The following AAK1 variants were observed in gnomAD, a reference collection of about 807,000 sequenced individuals.
AAK1 encodes AP2 associated kinase 1, also known as AP2-associated protein kinase 1.
Under a neutral mutation model 116.0 loss-of-function variants are expected in AAK1, and 37 were observed. The ratio of observed to expected loss-of-function variants is 0.32; its 90% CI spans 0.25 to 0.42. The LOEUF (loss-of-function observed/expected upper bound fraction) is 0.42, where lower values mean the gene tolerates loss of function less well. Ranked by LOEUF, AAK1 falls within the 10% of genes least tolerant of loss-of-function variation. The pLI is 1.00. For synonymous variants in AAK1, 458 were observed against 439.9 expected (o/e 1.04, Z -0.51); for missense variants, 919 against 1,170.6 (o/e 0.79, Z 3.14).
At chr2:69,585,414 A>G (rs1471194004) in intron 2 of AAK1, among the ~76,000 whole-genome samples, 1 of 152,048 alleles carries the variant, frequency 6.6e-6, no homozygotes, top group Non-Finnish European at 1.5e-5. Context: ...CCAACTCCCC[A>G]AGGACCTCTG....
chr2:69,593,179 A>T (rs895284700), intron 2 of AAK1, among the ~76,000 whole-genome samples: 1 of 152,162 alleles, frequency 6.6e-6, no homozygotes, highest in Non-Finnish European at 1.5e-5. Context: ...TTATTTTGGG[A>T]CTCTGATGAA....
intron 5 of AAK1, among the ~76,000 whole-genome samples, chr2:69,541,223 ACTT>A (rs1327187739): frequency 3.5e-5 from 5 of 143,054 alleles, no homozygotes; most frequent in Admixed American, 2.1e-4. Flanking sequence ...TGAATTTTAT[ACTT>A]CTTTTTTTTT....
Position 69,618,989 on chromosome 2 carries a change from G to T in AAK1, c.163+23889C>A, listed in dbSNP as rs1011569330. The stretch of plus-strand genomic sequence containing the variant: ...ACCAATCAACCCCCTGCTTAGACAG[G>T]CTTGTCTCCCCATTCTGGCCCCATG... On this transcript the variant is annotated intron_variant, in intron 2 of 21. Coordinates refer to ENST00000409085, the MANE Select transcript of AAK1 (RefSeq NM_014911.5). Among the ~76,000 whole-genome samples the T allele has an allele frequency of 2.6e-5, 4 of 151,954 alleles. 1 individual carries two copies. The highest frequency in any genetic ancestry group is 9.7e-5 in the African/African-American group (4 of 41,368).
At chr2:69,513,833 A>G (rs1025489333) in intron 13 of AAK1, among the ~76,000 whole-genome samples, 14 of 152,200 alleles carry the variant, frequency 9.2e-5, no homozygotes, top group Non-Finnish European at 8.8e-5. Context: ...TGTGTGTTGA[A>G]ACTGTAGAGG....
At position 69,469,276 on chromosome 2, in the gene AAK1, T is replaced by G. The variant is rs576621796; in HGVS notation, c.*6593A>C. The G allele has an allele frequency of 7.1e-6, 7 of 985,344 alleles. No individual in the cohort carries two copies. The South Asian group carries it at 3.3e-4, about 46-fold the overall frequency. 61.0% of individuals were successfully genotyped at this position (985,344 alleles called of 1,614,324 possible). On this transcript the variant is annotated 3_prime_UTR_variant, in exon 22 of 22. Coordinates refer to ENST00000409085, the MANE Select transcript of AAK1 (RefSeq NM_014911.5). ...ATGGGGGAAGCCCAGACCTCCACATTCCCTTAAGGAATTCTGGTGGTGGCA... is the reference window on the plus strand; with the variant it reads ...ATGGGGGAAGCCCAGACCTCCACATGCCCTTAAGGAATTCTGGTGGTGGCA...
chr2:69,553,437 G>GTTTTTTTTTTTTTTTTT (rs70954350), intron 3 of AAK1, among the ~76,000 whole-genome samples: 1 of 79,600 alleles, frequency 1.3e-5, no homozygotes, highest in African/African-American at 5.3e-5. Flanking sequence ...ATTGAAAGTT[G>GTTTTTTTTTTTTTTTTT]TTTTTTTTTT....
intron 2 of AAK1, among the ~76,000 whole-genome samples, chr2:69,635,301 C>T (rs1675397787): frequency 6.6e-6 from 1 of 152,236 alleles, no homozygotes; most frequent in Non-Finnish European, 1.5e-5. Context: ...AAACAAGTGT[C>T]GGTGAGAATG....
chr2:69,469,229 G>C lies in AAK1; in HGVS notation c.*6640C>G, dbSNP rs1485465624. 2.0e-6 allele frequency: 2 copies of C among 985,270 alleles called. No individual in the cohort carries two copies. The highest frequency in any genetic ancestry group is 2.4e-6 in the Non-Finnish European group (2 of 829,966). The allele number at this position is 985,270 out of a possible 1,614,324, so 61.0% of individuals were successfully genotyped here. A position where few individuals can be genotyped will look rare whatever the true frequency, so the allele number is the denominator to read the frequency against. On this transcript the variant is annotated 3_prime_UTR_variant, in exon 22 of 22. Coordinates refer to ENST00000409085, the MANE Select transcript of AAK1 (RefSeq NM_014911.5). The stretch of plus-strand genomic sequence containing the variant: ...AACTCTCCAGGCCTGGCACTCTGAA[G>C]GGCAAAGAAATGCCAGAGAATATGG...
intron 11 of AAK1, among the ~76,000 whole-genome samples, chr2:69,520,503 C>T (rs200096287): frequency 1.3e-4 from 19 of 151,878 alleles, no homozygotes; most frequent in East Asian, 3.9e-4. Flanking sequence ...GGACTACAGG[C>T]GCACACCACA....
chr2:69,508,934 T>C (rs951629204), intron 14 of AAK1, among the ~76,000 whole-genome samples: 2 of 152,104 alleles, frequency 1.3e-5, no homozygotes, highest in Admixed American at 1.3e-4. Flanking sequence ...GAAAACACAC[T>C]GTAGAGCATG....
chr2:69,627,997 C>T (rs1573022860), intron 2 of AAK1, among the ~76,000 whole-genome samples: 1 of 152,248 alleles, frequency 6.6e-6, no homozygotes, highest in East Asian at 1.9e-4. Context: ...CTGTCATCTG[C>T]AACATCTAAT....
At chr2:69,529,517 T>C (rs1015822466) in intron 8 of AAK1, among the ~76,000 whole-genome samples, 6 of 152,228 alleles carry the variant, frequency 3.9e-5, no homozygotes, top group South Asian at 2.1e-4. Flanking sequence ...TAAGAAAGCA[T>C]TGAGTTTAGA....
In AAK1 at chr2:69,467,237, C is replaced by T. The variant is rs1674517531; in HGVS notation, c.*8632G>A. The T allele has an allele frequency of 6.1e-6, 6 of 985,422 alleles. No homozygotes were observed. The South Asian group carries it at 2.3e-4, about 39-fold the overall frequency. 61.0% of individuals were successfully genotyped at this position (985,422 alleles called of 1,614,324 possible). On this transcript the variant is annotated 3_prime_UTR_variant, in exon 22 of 22. Coordinates refer to ENST00000409085, the MANE Select transcript of AAK1 (RefSeq NM_014911.5). ...AGTCTTCTAAGTTCATAAAGATCTC[C>T]TCTGCTTAAATGAATCTGCCATAAA...
chr2:69,553,163 A>G (rs901272664), intron 3 of AAK1, among the ~76,000 whole-genome samples: 2 of 152,172 alleles, frequency 1.3e-5, no homozygotes, highest in African/African-American at 4.8e-5. Context: ...AACACCTAAC[A>G]TAATAAATAA....
At chr2:69,513,463 G>T (rs1390632943) in intron 13 of AAK1, among the ~76,000 whole-genome samples, 1 of 152,092 alleles carries the variant, frequency 6.6e-6, no homozygotes, top group African/African-American at 2.4e-5. Context: ...GGGACTATAG[G>T]TGCCTGCCAC....
At chr2:69,631,081 A>G (rs746147482) in intron 2 of AAK1, among the ~76,000 whole-genome samples, 16 of 152,218 alleles carry the variant, frequency 1.1e-4, no homozygotes, top group Non-Finnish European at 2.2e-4. Flanking sequence ...CCAAGGTACT[A>G]GCAGGAGACC....
chr2:69,505,219 GA>G (rs1250014054), intron 16 of AAK1, among the ~76,000 whole-genome samples: 2 of 151,966 alleles, frequency 1.3e-5, no homozygotes, highest in African/African-American at 4.8e-5. Context: ...AGTAATCTCA[GA>G]AACCTAAGAA....
intron 2 of AAK1, among the ~76,000 whole-genome samples, chr2:69,596,781 T>C (rs1393960216): frequency 6.6e-6 from 1 of 152,122 alleles, no homozygotes; most frequent in Non-Finnish European, 1.5e-5. Context: ...CTGGTGGAGC[T>C]GTGGGCGATG....
At chr2:69,599,921 G>A (rs1673486455) in intron 2 of AAK1, among the ~76,000 whole-genome samples, 1 of 151,596 alleles carries the variant, frequency 6.6e-6, no homozygotes, top group African/African-American at 2.4e-5. Flanking sequence ...GGAACTACAA[G>A]TGTATGCCAC....
Sources: allele counts gnomAD v4.1 joint callset (sites outside exome capture counted in the v4.1 genomes callset), GRCh38; gene constraint gnomAD v4.1.1; transcripts MANE v1.5; gene names NCBI Gene and HGNC (gene_info 2026-07-23, HGNC 2026-07-21).